Variants in FAM167A observed in about 807,000 individuals in gnomAD.
The protein encoded by FAM167A is protein FAM167A.
In FAM167A, 23 loss-of-function variants were observed where a neutral mutation model predicts 14.9. The observed-to-expected ratio is 1.55, with a 90% CI of 1.11 to 2.19. The LOEUF (loss-of-function observed/expected upper bound fraction) is 2.19. Among genes scored for constraint, FAM167A ranks in the 30% most tolerant of loss-of-function variants. The pLI, the probability that FAM167A is intolerant of heterozygous loss-of-function variation, is 0.00. For missense variants in FAM167A, 401 were observed against 281.5 expected, an observed-to-expected ratio of 1.42 and a Z score of -3.04; for synonymous variants, 174 against 117.7, an observed-to-expected ratio of 1.48 and a Z score of -3.10.
chr8:11,456,374 G>C (rs1244766525), intron 1 of FAM167A, among the ~76,000 whole-genome samples: 6 of 146,902 alleles, frequency 4.1e-5, no homozygotes, highest in African/African-American at 1.6e-4. Context: ...GTGTGGGGTG[G>C]TTGCCCTGCC....
At chr8:11,432,791 T>G (rs751675517) in intron 2 of FAM167A, among the ~76,000 whole-genome samples, 1 of 152,194 alleles carries the variant, frequency 6.6e-6, no homozygotes, top group Admixed American at 6.5e-5. Context: ...CTATTCACAA[T>G]AGCAAAGACT....
chr8:11,433,207 AAAAAAAT>A (rs578139966), intron 2 of FAM167A, among the ~76,000 whole-genome samples: 89 of 152,132 alleles, frequency 5.9e-4, no homozygotes, highest in African/African-American at 1.9e-3. Flanking sequence ...AGTATGATAA[AAAAAAAT>A]AAAAAATAAA....
chr8:11,448,311 C>T (rs1393785092), intron 1 of FAM167A, among the ~76,000 whole-genome samples: 2 of 151,690 alleles, frequency 1.3e-5, no homozygotes, highest in Non-Finnish European at 2.9e-5. Flanking sequence ...GGGATAATAA[C>T]ATCTACCTCG....
intron 2 of FAM167A, among the ~76,000 whole-genome samples, chr8:11,429,714 T>G (rs1279741659): frequency 6.6e-6 from 1 of 152,178 alleles, no homozygotes; most frequent in Non-Finnish European, 1.5e-5. Flanking sequence ...AGAGGCGAGC[T>G]GGGCCCAGGG....
At chr8:11,442,198 A>G (rs1806481283) in intron 2 of FAM167A, among the ~76,000 whole-genome samples, 1 of 152,190 alleles carries the variant, frequency 6.6e-6, no homozygotes, top group Admixed American at 6.5e-5. Flanking sequence ...CACACTGGGC[A>G]GGGCACTTCA....
At chr8:11,463,606 G>C (rs1325942382) in intron 1 of FAM167A, among the ~76,000 whole-genome samples, 1 of 152,192 alleles carries the variant, frequency 6.6e-6, no homozygotes, top group African/African-American at 2.4e-5. Flanking sequence ...CTGGAAAATG[G>C]GGTCTGACCT....
intron 2 of FAM167A, among the ~76,000 whole-genome samples, chr8:11,433,750 T>C (rs1400614658): frequency 2.0e-5 from 3 of 152,208 alleles, no homozygotes; most frequent in East Asian, 1.9e-4. Flanking sequence ...TAGTCTCTGA[T>C]GCATGCTGAA....
In FAM167A at chr8:11,424,571, G is replaced by T; in HGVS notation, c.447C>A (p.Asn149Lys). 6.2e-7 allele frequency: 1 copy of T among 1,614,034 alleles called. No individual in the cohort carries two copies. Among genetic ancestry groups the T allele is most frequent in the Non-Finnish European group, 8.5e-7 (1 of 1,179,906 alleles). Reference protein sequence around the residue: ...RQLMRLRGDINKLKIEHTCRL... With the variant: ...RQLMRLRGDIKKLKIEHTCRL... ...GGCAGGTGTGTTCGATTTTCAGCTTGTTGATGTCGCCACGCAGGCGCATGA... is the reference window on the plus strand; with the variant it reads ...GGCAGGTGTGTTCGATTTTCAGCTTTTTGATGTCGCCACGCAGGCGCATGA... Residue 149 changes from asparagine to lysine, a missense_variant, in exon 3 of 3, where the codon AAC becomes AAA. By Grantham distance (94) the Asn-to-Lys change is moderately conservative. Transcript: ENST00000284486.
intron 1 of FAM167A, among the ~76,000 whole-genome samples, chr8:11,456,172 C>G (rs1807279242): frequency 2.9e-4 from 1 of 3,434 alleles, no homozygotes; most frequent in Non-Finnish European, 5.1e-4. Flanking sequence ...GGTTGCCTTG[C>G]TGTGTGTGTG....
At chr8:11,438,444 A>G (rs1263537063) in intron 2 of FAM167A, 2 of 457,034 alleles carry the variant, frequency 4.4e-6, no homozygotes, top group Non-Finnish European at 4.4e-6. Context: ...AGGAGATTCT[A>G]TGCTACAGAA....
intron 1 of FAM167A, among the ~76,000 whole-genome samples, chr8:11,466,222 C>T (rs900035456): frequency 6.6e-6 from 1 of 152,226 alleles, no homozygotes; most frequent in African/African-American, 2.4e-5. Context: ...AAACTTCCAT[C>T]TCACTGAACC....
rs115866599 is a variant in FAM167A, at chr8:11,434,891, G to A, written c.381+9140C>T. The A allele has an allele frequency of 1.5e-3, 592 of 384,302 alleles. 6 individuals are homozygous for A. Among genetic ancestry groups the A allele is most frequent in the African/African-American group, 9.1e-3 (439 of 48,270 alleles). The allele number at this position is 384,302 out of a possible 1,614,324, so 23.8% of individuals were successfully genotyped here. A position where few individuals can be genotyped will look rare whatever the true frequency, so the allele number is the denominator to read the frequency against. ...ACACCCAAGGAAGACATTCTGTGCCGGAGAGAGAGTGGGAGAGATGTGACT... is the reference window on the plus strand; with the variant it reads ...ACACCCAAGGAAGACATTCTGTGCCAGAGAGAGAGTGGGAGAGATGTGACT... On this transcript the variant is annotated intron_variant, in intron 2 of 2. Coordinates refer to ENST00000284486, the MANE Select transcript of FAM167A (RefSeq NM_053279.3).
intron 1 of FAM167A, 105 bp from the exon 2 acceptor site, chr8:11,444,913 G>T: frequency 1.1e-6 from 1 of 899,368 alleles, no homozygotes; most frequent in Non-Finnish European, 1.3e-6. Context: ...GAGTGGACTG[G>T]TGGCTGCGCT....
Position 11,435,788 on chromosome 8 carries a change from CTGA to C in FAM167A, c.381+8240_381+8242del, listed in dbSNP as rs1805963874. ...ACATGAGCATAATAGTACCCACTTA[CTGA>C]TAATAATTGACCGTAATTAAATGGG... On this transcript the variant is annotated intron_variant, in intron 2 of 2. Coordinates refer to ENST00000284486, the MANE Select transcript of FAM167A (RefSeq NM_053279.3). Among the ~76,000 whole-genome samples, 5 of 152,354 alleles carry C rather than the reference CTGA, an allele frequency of 3.3e-5. 1 individual carries two copies. In the South Asian group the frequency reaches 1.0e-3, roughly 32 times the overall value.
At chr8:11,459,386 T>C (rs1206899908) in intron 1 of FAM167A, among the ~76,000 whole-genome samples, 1 of 152,260 alleles carries the variant, frequency 6.6e-6, no homozygotes, top group East Asian at 1.9e-4. Flanking sequence ...GTGAGCTTTA[T>C]AGTACTTACA....
chr8:11,438,452 G>A (rs1022457554), intron 2 of FAM167A: 2 of 457,196 alleles, frequency 4.4e-6, no homozygotes, highest in African/African-American at 2.0e-5. Flanking sequence ...CTATGCTACA[G>A]AAGTACAAGG....
At chr8:11,428,131 C>T (rs1805314180) in intron 2 of FAM167A, among the ~76,000 whole-genome samples, 1 of 152,158 alleles carries the variant, frequency 6.6e-6, no homozygotes, top group Non-Finnish European at 1.5e-5. Context: ...AAGATTTGAG[C>T]TTTGGCCCCA....
rs148022485 is a variant in FAM167A at position 11,437,847 on chromosome 8, C to T, written c.381+6184G>A. Among the ~76,000 whole-genome samples the T allele has an allele frequency of 7.9e-5, 12 of 152,330 alleles. No individual in the cohort carries two copies. In the East Asian group the frequency reaches 2.3e-3, roughly 29 times the overall value. On this transcript the variant is annotated intron_variant, in intron 2 of 2. Coordinates refer to ENST00000284486, the MANE Select transcript of FAM167A (RefSeq NM_053279.3). Reference sequence around the variant, plus strand: ...GAGAAACTTAATGCAATTACGTGGACAGGCATGGATCTGGCTGCCAAGGAA... The same window carrying T: ...GAGAAACTTAATGCAATTACGTGGATAGGCATGGATCTGGCTGCCAAGGAA...
upstream of FAM167A, among the ~76,000 whole-genome samples, chr8:11,471,257 C>T (rs377499776): frequency 3.9e-5 from 6 of 152,196 alleles, no homozygotes; most frequent in South Asian, 1.2e-3. Context: ...GGAGGTTGCT[C>T]AGCGGCCGAG....
Sources: gnomAD v4.1 joint callset for allele counts (sites outside exome capture counted in the v4.1 genomes callset) on GRCh38, gnomAD v4.1.1 for gene constraint, MANE v1.5 for transcripts, NCBI Gene and HGNC (gene_info 2026-07-23, HGNC 2026-07-21) for gene names.